Variants in THSD7A observed in about 807,000 individuals in gnomAD.
THSD7A encodes the protein thrombospondin type-1 domain-containing protein 7A.
In THSD7A, 96 loss-of-function variants were observed where a neutral mutation model predicts 231.3. That is an observed-to-expected ratio of 0.41 (90% CI 0.35 to 0.49). THSD7A has a LOEUF of 0.49. THSD7A is among the 20% of genes least tolerant of loss of function. The pLI is 0.05. For synonymous variants in THSD7A, 940 were observed against 743.3 expected (o/e 1.26, Z -4.30); for missense variants, 2,290 against 2,070.2 (o/e 1.11, Z -2.06).
intron 1 of THSD7A, among the ~76,000 whole-genome samples, chr7:11,808,040 C>T (rs936355046): frequency 5.3e-5 from 8 of 152,130 alleles, no homozygotes; most frequent in African/African-American, 1.7e-4. Context: ...GGGCCTCTCA[C>T]TGCACCACCC....
At chr7:11,541,838 A>C (rs767119154) in intron 5 of THSD7A, among the ~76,000 whole-genome samples, 7 of 152,152 alleles carry the variant, frequency 4.6e-5, no homozygotes, top group Non-Finnish European at 8.8e-5. Context: ...AATGGAATGA[A>C]AAAAAATGAG....
chr7:11,645,278 A>G (rs1226835463), intron 1 of THSD7A, among the ~76,000 whole-genome samples: 1 of 151,556 alleles, frequency 6.6e-6, no homozygotes, highest in South Asian at 2.1e-4. Context: ...TTTTTTCTCA[A>G]TATATTTATT....
intron 1 of THSD7A, among the ~76,000 whole-genome samples, chr7:11,769,153 A>ATTT (rs1227041855): frequency 0.031 from 857 of 27,610 alleles, 130 homozygotes; most frequent in Non-Finnish European, 0.044. Flanking sequence ...ATATATATAT[A>ATTT]TTTTTTTTTT....
intron 4 of THSD7A, among the ~76,000 whole-genome samples, chr7:11,576,571 C>T (rs1790916346): frequency 6.6e-6 from 1 of 152,138 alleles, no homozygotes; most frequent in Non-Finnish European, 1.5e-5. Context: ...TAATTCATAC[C>T]AGGTGACTTG....
intron 23 of THSD7A, among the ~76,000 whole-genome samples, chr7:11,389,483 C>A (rs1049609567): frequency 3.2e-5 from 3 of 93,372 alleles, no homozygotes; most frequent in Admixed American, 1.5e-4. Flanking sequence ...GTAAATATCC[C>A]TCCATCCCTT....
chr7:11,701,921 ATGCCT>A, intron 1 of THSD7A, among the ~76,000 whole-genome samples: 1 of 150,978 alleles, frequency 6.6e-6, no homozygotes, highest in Non-Finnish European at 1.5e-5. Context: ...GGACAGGAAT[ATGCCT>A]GAGCACACTT....
At chr7:11,696,621 G>C (rs1010469753) in intron 1 of THSD7A, among the ~76,000 whole-genome samples, 7 of 150,814 alleles carry the variant, frequency 4.6e-5, no homozygotes, top group African/African-American at 1.7e-4. Flanking sequence ...GCCAAATCAT[G>C]AGTGAACTCC....
intron 11 of THSD7A, among the ~76,000 whole-genome samples, chr7:11,454,654 T>C (rs1785247790): frequency 6.6e-6 from 1 of 151,882 alleles, no homozygotes; most frequent in South Asian, 2.1e-4. Flanking sequence ...TGTATACCTA[T>C]AGTATATTTT....
chr7:11,830,505 T>C (rs1247835379), intron 1 of THSD7A, among the ~76,000 whole-genome samples: 1 of 152,266 alleles, frequency 6.6e-6, no homozygotes, highest in East Asian at 1.9e-4. Context: ...TCATTTGAAT[T>C]CATTACTCAA....
At chr7:11,565,386 G>A (rs1790265011) in intron 4 of THSD7A, among the ~76,000 whole-genome samples, 1 of 152,178 alleles carries the variant, frequency 6.6e-6, no homozygotes, top group African/African-American at 2.4e-5. Context: ...TCCACAGACT[G>A]TCGCTTAAAC....
At chr7:11,778,973 A>G (rs545497079) in intron 1 of THSD7A, among the ~76,000 whole-genome samples, 1 of 152,278 alleles carries the variant, frequency 6.6e-6, no homozygotes, top group Non-Finnish European at 1.5e-5. Flanking sequence ...AAATAGTAAT[A>G]TTCACATACA....
chr7:11,681,697 T>C (rs964700052), intron 1 of THSD7A, among the ~76,000 whole-genome samples: 1 of 151,918 alleles, frequency 6.6e-6, no homozygotes, highest in Non-Finnish European at 1.5e-5. Flanking sequence ...GTTCAGGATA[T>C]AATGCATGAA....
At chr7:11,808,219 T>C (rs778787197) in intron 1 of THSD7A, among the ~76,000 whole-genome samples, 3 of 152,138 alleles carry the variant, frequency 2.0e-5, no homozygotes, top group Admixed American at 6.6e-5. Flanking sequence ...TTGTTGCCAA[T>C]GTGACAATAT....
At chr7:11,667,598 T>C (rs932588825) in intron 1 of THSD7A, among the ~76,000 whole-genome samples, 2 of 152,132 alleles carry the variant, frequency 1.3e-5, no homozygotes, top group Non-Finnish European at 2.9e-5. Context: ...GCAGTGCTTA[T>C]AGACTATGAC....
intron 1 of THSD7A, among the ~76,000 whole-genome samples, chr7:11,696,304 AG>A (rs1412481504): frequency 6.6e-6 from 1 of 151,584 alleles, no homozygotes; most frequent in Non-Finnish European, 1.5e-5. Context: ...GGTTTACTAT[AG>A]AAAAAAATAG....
At chr7:11,677,887 T>C (rs1783705901) in intron 1 of THSD7A, among the ~76,000 whole-genome samples, 2 of 152,074 alleles carry the variant, frequency 1.3e-5, no homozygotes, top group Admixed American at 1.3e-4. Context: ...ATTGACAGAA[T>C]ATACATTCTT....
At chr7:11,764,575 A>C (rs1337435171) in intron 1 of THSD7A, among the ~76,000 whole-genome samples, 1 of 151,564 alleles carries the variant, frequency 6.6e-6, no homozygotes, top group Non-Finnish European at 1.5e-5. Flanking sequence ...GTCTCAAAAA[A>C]AAAAAAAAAA....
intron 20 of THSD7A, 40 bp downstream of exon 20, chr7:11,407,266 C>T (rs768753566): frequency 6.5e-7 from 1 of 1,536,352 alleles, no homozygotes; most frequent in Non-Finnish European, 8.9e-7. Flanking sequence ...TTTCATATTC[C>T]TTGACCAGTA....
chr7:11,668,502 A>G (rs1157258963), intron 1 of THSD7A, among the ~76,000 whole-genome samples: 1 of 132,394 alleles, frequency 7.6e-6, no homozygotes. Flanking sequence ...AGAGAGAGAG[A>G]GAGAAAGAAA....
Sources: gnomAD v4.1 joint callset for allele counts (sites outside exome capture counted in the v4.1 genomes callset) on GRCh38, gnomAD v4.1.1 for gene constraint, MANE v1.5 for transcripts, NCBI Gene and HGNC (gene_info 2026-07-23, HGNC 2026-07-21) for gene names.